Variants in L3MBTL1 observed in about 807,000 individuals in gnomAD.
The protein encoded by L3MBTL1 is lethal(3)malignant brain tumor-like protein 1.
A neutral mutation model predicts 105.3 loss-of-function variants in L3MBTL1; 75 were observed. The observed-to-expected ratio is 0.71, with a 90% confidence interval of 0.59 to 0.86. L3MBTL1 has a LOEUF of 0.86. Ranked by LOEUF, L3MBTL1 falls within the 40% of genes least tolerant of loss-of-function variation. L3MBTL1 has a pLI of 0.00. For synonymous variants in L3MBTL1, 452 were observed against 436.2 expected (o/e 1.04, Z -0.45); for missense variants, 1,069 against 1,126.4 (o/e 0.95, Z 0.73).
downstream of L3MBTL1, among the ~76,000 whole-genome samples, chr20:43,544,701 A>G (rs1978468495): frequency 6.6e-6 from 1 of 152,026 alleles, no homozygotes; most frequent in South Asian, 2.1e-4. Flanking sequence ...GCGGTGGTTC[A>G]CTCCTGTAAT....
chr20:43,519,407 C>T (rs1432226547), intron 7 of L3MBTL1, among the ~76,000 whole-genome samples: 1 of 151,162 alleles, frequency 6.6e-6, no homozygotes, highest in Admixed American at 6.6e-5. Context: ...GAGGCCGAAG[C>T]GGGCAGATCA....
intron 15 of L3MBTL1, 138 bp downstream of exon 15, chr20:43,534,532 G>A: frequency 1.4e-6 from 1 of 713,942 alleles, no homozygotes; most frequent in Non-Finnish European, 2.4e-6. Flanking sequence ...CCTCATCTGT[G>A]ACTTATTTTT....
Position 43,515,085 on chromosome 20 carries a change from G to T in L3MBTL1, c.579G>T (p.Ala193=). The change falls in exon 5 of 22, where the codon GCG becomes GCT. Residue 193 remains alanine (A), a synonymous_variant. Coordinates refer to ENST00000418998, the MANE Select transcript of L3MBTL1 (RefSeq NM_001377303.1). ...PEDDSTCQCQ[A]CGPHQAAGPD... is the part of the protein sequence containing the mutation. ...ATGATAGCACCTGTCAGTGCCAGGC[G>T]TGCGGGCCTCACCAAGCCGCGGGTC... 2 of 1,614,164 alleles carry T rather than the reference G, an allele frequency of 1.2e-6. No individual in the cohort carries two copies. The highest frequency in any genetic ancestry group is 2.2e-5 in the East Asian group (1 of 44,884).
Position 43,532,815 on chromosome 20 carries a change from G to T in L3MBTL1, c.1327G>T (p.Ala443Ser). The change falls in exon 12 of 22, where the codon GCT becomes TCT. Residue 443 changes from alanine to serine, a missense_variant. Transcript: ENST00000418998. ...CTTCCAGGTGGGCATGAAGCTGGAG[G>T]CTGTTGACCGCATGAACCCGTCCCT... ...LGFQVGMKLEAVDRMNPSLVC... is the reference protein window; with the variant it reads ...LGFQVGMKLESVDRMNPSLVC... The T allele has an allele frequency of 6.2e-7, 1 of 1,614,228 alleles. No individual in the cohort carries two copies. Among genetic ancestry groups the T allele is most frequent in the Admixed American group, 1.7e-5 (1 of 60,032 alleles).
At chr20:43,536,547 A>T in intron 19 of L3MBTL1, 89 bp downstream of exon 19, 2 of 1,458,238 alleles carry the variant, frequency 1.4e-6, no homozygotes, top group Admixed American at 1.7e-5. Context: ...CAGATTTCCC[A>T]GAGTGGGAGA....
intron 2 of L3MBTL1, 40 bp from the exon 3 acceptor site, chr20:43,513,798 G>A (rs1375559165): frequency 3.9e-6 from 6 of 1,546,766 alleles, no homozygotes; most frequent in Non-Finnish European, 5.2e-6. Flanking sequence ...AGGGCCACTA[G>A]ACTCACCTGT....
At chr20:43,549,416 T>TATCTGA (rs144934430) in exon 19 of L3MBTL1, 2,552 of 152,382 alleles carry the variant, frequency 0.017, 64 homozygotes, top group African/African-American at 0.058. Context: ...TGAACTTTTC[T>TATCTGA]ATCTGAATTC....
chr20:43,514,736 G>C lies in L3MBTL1; in HGVS notation c.462G>C (p.Gly154=). The change falls in exon 4 of 22, where the codon GGG becomes GGC. Residue 154 remains glycine (G), a synonymous_variant. Coordinates refer to ENST00000418998, the MANE Select transcript of L3MBTL1 (RefSeq NM_001377303.1). Reference sequence around the variant, plus strand: ...GCGTGACCGAATACGAAGATGGCGGGGCCCCGGCGGGAGATGGCGAGGCGG... The same window carrying C: ...GCGTGACCGAATACGAAGATGGCGGCGCCCCGGCGGGAGATGGCGAGGCGG... ...QEGVTEYEDG[G]APAGDGEAGP... 1 of 1,569,722 alleles carries C rather than the reference G, an allele frequency of 6.4e-7. No individual in the cohort carries two copies. The highest frequency in any genetic ancestry group is 1.9e-5 in the Admixed American group (1 of 52,286).
intron 7 of L3MBTL1, chr20:43,523,564 C>G (rs2018849169): frequency 4.0e-6 from 1 of 252,062 alleles, no homozygotes; most frequent in South Asian, 6.1e-5. Flanking sequence ...GACCAGTATC[C>G]TGCGGCATTG....
downstream of L3MBTL1, among the ~76,000 whole-genome samples, chr20:43,543,258 C>A (rs1347477715): frequency 6.6e-6 from 1 of 152,196 alleles, no homozygotes; most frequent in Admixed American, 6.5e-5. Context: ...CATTTGATAA[C>A]TAAGCCTTCT....
Position 43,519,356 on chromosome 20 carries a change from G to T in L3MBTL1, c.862+3179G>T, listed in dbSNP as rs547868208. ...TGACTCAAAAAAAAAAAAAAAAAAG[G>T]CTGGGTGCAGTGGCTCACTCCTGTA... On this transcript the variant is annotated intron_variant, in intron 7 of 21. Transcript: ENST00000418998. Among the ~76,000 whole-genome samples the T allele has an allele frequency of 1.2e-4, 17 of 145,194 alleles. No individual in the cohort carries two copies. In the East Asian group the frequency reaches 3.2e-3, roughly 28 times the overall value.
chr20:43,533,868 A>G lies in L3MBTL1; in HGVS notation c.1514-140A>G, dbSNP rs1206196022. On this transcript the variant is annotated intron_variant, in intron 13 of 21. Transcript: ENST00000418998. ...CCCATCTGCCTGAGGAGCCCAGTGC[A>G]AGGAGCTGGCTGTGGTGATGGTGGG... 3.9e-5 allele frequency: 27 copies of G among 690,530 alleles called. No homozygotes were observed. In the East Asian group the frequency reaches 6.5e-4, roughly 17 times the overall value. 42.8% of individuals were successfully genotyped at this position (690,530 alleles called of 1,614,324 possible). A position where few individuals can be genotyped will look rare whatever the true frequency, so the allele number is the denominator to read the frequency against.
intron 7 of L3MBTL1, chr20:43,523,670 T>A (rs1231733354): frequency 1.2e-5 from 2 of 171,366 alleles, no homozygotes; most frequent in African/African-American, 4.8e-5. Context: ...CAAGATCTCC[T>A]TATCCTTTTA....
chr20:43,532,562 G>T, intron 11 of L3MBTL1: 1 of 531,344 alleles, frequency 1.9e-6, no homozygotes, highest in South Asian at 2.9e-5. Context: ...GCCTCTGAGT[G>T]CACCTTGGAG....
chr20:43,518,309 G>A (rs2145396757), intron 7 of L3MBTL1, among the ~76,000 whole-genome samples: 1 of 152,230 alleles, frequency 6.6e-6, no homozygotes, highest in South Asian at 2.1e-4. Context: ...TTGTATGTGG[G>A]AAGAATCTAT....
intron 7 of L3MBTL1, among the ~76,000 whole-genome samples, chr20:43,526,925 C>T (rs564573734): frequency 2.3e-4 from 35 of 152,110 alleles, no homozygotes; most frequent in Non-Finnish European, 3.5e-4. Context: ...GCAGCCTGGG[C>T]GACAGAGTGA....
Position 43,514,006 on chromosome 20 carries a change from T to G in L3MBTL1, c.305T>G (p.Val102Gly). The G allele has an allele frequency of 6.5e-7, 1 of 1,542,066 alleles. No homozygotes were observed. The highest frequency in any genetic ancestry group is 2.4e-5 in the East Asian group (1 of 40,902). The change falls in exon 3 of 22, where the codon GTG becomes GGG. Residue 102 changes from valine (V) to glycine (G), a missense_variant. By Grantham distance (109) the Val-to-Gly change is moderately radical. Coordinates refer to ENST00000418998, the MANE Select transcript of L3MBTL1 (RefSeq NM_001377303.1). ...CCGGCCAGCTCCAGCACCAGCACAG[T>G]GCGGCTTCTGGAATGGACAGAGGCC... ...AGPASSSTSTVRLLEWTEAAA... is the reference protein window; with the variant it reads ...AGPASSSTSTGRLLEWTEAAA...
chr20:43,528,622 G>A, intron 7 of L3MBTL1, 35 bp from the exon 8 acceptor site: 2 of 1,530,774 alleles, frequency 1.3e-6, no homozygotes, highest in Non-Finnish European at 1.8e-6. Context: ...ATCAGGAACA[G>A]CCCAGGAGTT....
Position 43,528,726 on chromosome 20 carries a change from C to T in L3MBTL1, c.932C>T (p.Pro311Leu), listed in dbSNP as rs766409839. ...YLEEQKAITA[P>L]VSLFQDSQAV... Reference sequence around the variant, plus strand: ...GAGGAGCAGAAGGCCATTACTGCTCCAGTCAGCCTCTTCCAGGACGTGAGT... The same window carrying T: ...GAGGAGCAGAAGGCCATTACTGCTCTAGTCAGCCTCTTCCAGGACGTGAGT... Residue 311 changes from proline to leucine, a missense_variant, in exon 8 of 22, where the codon CCA (proline) becomes CTA (leucine). Pro to Leu is a moderately conservative substitution (Grantham distance 98). Transcript: ENST00000418998. 6.2e-7 allele frequency: 1 copy of T among 1,613,746 alleles called. No individual in the cohort carries two copies. The highest frequency in any genetic ancestry group is 8.5e-7 in the Non-Finnish European group (1 of 1,179,650).
Sources: allele counts gnomAD v4.1 joint callset (sites outside exome capture counted in the v4.1 genomes callset), GRCh38; gene constraint gnomAD v4.1.1; transcripts MANE v1.5; gene names NCBI Gene and HGNC (gene_info 2026-07-23, HGNC 2026-07-21).